Variants in DYNC1H1 observed in about 807,000 individuals in gnomAD.
The protein encoded by DYNC1H1 is dynein cytoplasmic 1 heavy chain 1, also known as cytoplasmic dynein 1 heavy chain 1.
In DYNC1H1, 51 loss-of-function variants were observed where a neutral mutation model predicts 527.1. The ratio of observed to expected loss-of-function variants is 0.10; its 90% CI spans 0.08 to 0.12. The LOEUF (loss-of-function observed/expected upper bound fraction) is 0.12. Among genes scored for constraint, DYNC1H1 ranks in the 10% least tolerant of loss-of-function variants. The pLI, the probability that DYNC1H1 is intolerant of heterozygous loss-of-function variation, is 1.00. For synonymous variants in DYNC1H1, 2,189 were observed against 2,278.8 expected, an observed-to-expected ratio of 0.96 and a Z score of 1.12; for missense variants, 2,771 against 5,971.8, an observed-to-expected ratio of 0.46 and a Z score of 17.66.
chr14:102,049,755 G>A lies in DYNC1H1; in HGVS notation c.13557G>A (p.Ala4519=), dbSNP rs35546990. Residue 4519 remains alanine, a synonymous_variant, in exon 76 of 78, where the codon GCG becomes GCA. Transcript: ENST00000360184. The surrounding 1 kb of genome is among the most constrained non-coding windows in gnomAD (Gnocchi z 5.5). The stretch of plus-strand genomic sequence containing the variant: ...TGGGTGGCCTGTTCGTGCCTGAGGC[G>A]TACATCACTGCCACCAGGCAGTATG... The part of the protein sequence containing the change: ...VCLGGLFVPE[A]YITATRQYVA... 157 of 1,613,858 alleles carry A rather than the reference G, an allele frequency of 9.7e-5. No homozygotes were observed. The African/African-American group carries it at 1.2e-3, about 12-fold the overall frequency.
rs34928054 is a variant in DYNC1H1 at position 102,053,276 on chromosome 14, GACT to G, written c.*2716_*2718del. ...CTGCCTCAGCCTCCTGAGTAGCTGG[GACT>G]ACAGGCGCCCGCTAATTTTTGTATT... is the stretch of plus-strand genomic sequence containing the variant. On this transcript the variant is annotated 3_prime_UTR_variant, in exon 78 of 78. Coordinates refer to ENST00000360184, the MANE Select transcript of DYNC1H1 (RefSeq NM_001376.5). The G allele has an allele frequency of 0.061, 9,300 of 151,402 alleles. 322 individuals carry two copies. Among genetic ancestry groups the G allele is most frequent in the South Asian group, 0.12 (580 of 4,784 alleles). The allele number at this position is 151,402 out of a possible 1,614,324, so 9.4% of individuals were successfully genotyped here.
Position 102,011,986 on chromosome 14 carries a change from C to T in DYNC1H1, c.6730C>T (p.Leu2244Phe), listed in dbSNP as rs1407435640. The T allele has an allele frequency of 1.2e-6, 2 of 1,614,054 alleles. No homozygotes were observed. Among genetic ancestry groups the T allele is most frequent in the Non-Finnish European group, 1.7e-6 (2 of 1,180,016 alleles). Residue 2244 changes from leucine to phenylalanine, a missense_variant, in exon 33 of 78, where the codon CTC becomes TTC. Coordinates refer to ENST00000360184, the MANE Select transcript of DYNC1H1 (RefSeq NM_001376.5). The surrounding 1 kb of genome is among the most constrained non-coding windows in gnomAD (Gnocchi z 5.3). The part of the protein sequence containing the change: ...WRVLLKALER[L>F]EGVEGVAHII... ...TGTCCTGCTGAAGGCATTGGAGAGA[C>T]TCGAGGGTGTGGAAGGTGTGGCCCA...
intron 23 of DYNC1H1, among the ~76,000 whole-genome samples, chr14:102,003,331 G>C (rs140908682): frequency 2.0e-5 from 3 of 150,048 alleles, no homozygotes; most frequent in African/African-American, 7.4e-5. Flanking sequence ...GTGCCATCTC[G>C]GCTCACTGCA....
Position 102,041,193 on chromosome 14 carries a change from C to T in DYNC1H1, c.11942-381C>T, listed in dbSNP as rs563026455. The T allele has an allele frequency of 1.1e-4, 41 of 358,656 alleles. No homozygotes were observed. The highest frequency in any genetic ancestry group is 5.0e-4 in the African/African-American group (24 of 47,678). The allele number at this position is 358,656 out of a possible 1,614,324, so 22.2% of individuals were successfully genotyped here. On this transcript the variant is annotated intron_variant, in intron 64 of 77. Transcript: ENST00000360184. The surrounding 1 kb of genome is among the most constrained non-coding windows in gnomAD (Gnocchi z 4.5). ...CAGACAGGAATGGAATGCCATCAGC[C>T]GTTTTTGAGTGTGTTAGGCCAGACC... is the stretch of plus-strand genomic sequence containing the variant.
In DYNC1H1 at chr14:102,002,640, G is replaced by C; in HGVS notation, c.4646G>C (p.Gly1549Ala). The C allele has an allele frequency of 6.2e-7, 1 of 1,614,188 alleles. No homozygotes were observed. The highest frequency in any genetic ancestry group is 8.5e-7 in the Non-Finnish European group (1 of 1,180,038). The change falls in exon 22 of 78, where the codon GGT (glycine) becomes GCT (alanine). Residue 1549 changes from glycine (G) to alanine (A), a missense_variant. Physicochemically the swap from Gly to Ala is moderately conservative, Grantham distance 60. Around this residue, in one of 32 missense-constraint regions of DYNC1H1, gnomAD observed 51 missense variants for 189.2 expected, o/e 0.27. Transcript: ENST00000360184. This position sits in a 1 kb window ranked among gnomAD's most constrained non-coding sequence, Gnocchi z 4.4. Reference protein sequence around the residue: ...DVQRRWVYLEGIFTGSADIKH... With the variant: ...DVQRRWVYLEAIFTGSADIKH... ...CAGAGGCGGTGGGTCTACCTGGAAG[G>C]TATCTTCACAGGCAGTGCAGATATC...
rs2048110359 is a variant in DYNC1H1, at chr14:101,999,898, C to A, written c.3805-91C>A. Reference sequence around the variant, plus strand: ...GCAAAGAATCCGAAACGTCCAGAAGCCCTGCAGGCTCTGTGCACCATTTTA... The same window carrying A: ...GCAAAGAATCCGAAACGTCCAGAAGACCTGCAGGCTCTGTGCACCATTTTA... On this transcript the variant is annotated intron_variant, in intron 16 of 77. Coordinates refer to ENST00000360184, the MANE Select transcript of DYNC1H1 (RefSeq NM_001376.5). 4 of 1,581,426 alleles carry A rather than the reference C, an allele frequency of 2.5e-6. No individual in the cohort carries two copies. In the East Asian group the frequency reaches 9.0e-5, roughly 35 times the overall value.
chr14:102,016,532 TTGA>T lies in DYNC1H1; in HGVS notation c.7614+45_7614+47del, dbSNP rs1427191470. 4.2e-5 allele frequency: 67 copies of T among 1,614,038 alleles called. No individual in the cohort carries two copies. Among genetic ancestry groups the T allele is most frequent in the Non-Finnish European group, 5.3e-5 (62 of 1,180,046 alleles). The stretch of plus-strand genomic sequence containing the variant: ...ACCCGTGTTTCTGATTCTCGCCTTG[TTGA>T]TTTAACTCATCCTGGAACAAGCTGA... On this transcript the variant is annotated intron_variant, in intron 37 of 77. Transcript: ENST00000360184. This position sits in a 1 kb window ranked among gnomAD's most constrained non-coding sequence, Gnocchi z 7.3.
rs778972833 is a variant in DYNC1H1, at chr14:102,012,016, A to G, written c.6760A>G (p.Ile2254Val). The G allele has an allele frequency of 1.2e-6, 2 of 1,614,008 alleles. No individual in the cohort carries two copies. The highest frequency in any genetic ancestry group is 1.3e-5 in the African/African-American group (1 of 74,902). The change falls in exon 33 of 78, where the codon ATC becomes GTC. Residue 2254 changes from isoleucine (I) to valine (V), a missense_variant. Physicochemically the swap from Ile to Val is conservative, Grantham distance 29. Coordinates refer to ENST00000360184, the MANE Select transcript of DYNC1H1 (RefSeq NM_001376.5). This position sits in a 1 kb window ranked among gnomAD's most constrained non-coding sequence, Gnocchi z 4.9. ...GGGTGTGGAAGGTGTGGCCCATATC[A>G]TCGACCCCAAGGCCATCAGCAAAGA... is the stretch of plus-strand genomic sequence containing the variant. ...LEGVEGVAHIIDPKAISKDHL... is the reference protein window; with the variant it reads ...LEGVEGVAHIVDPKAISKDHL...
At chr14:101,995,426 A>G in intron 15 of DYNC1H1, 126 bp downstream of exon 15, 1 of 1,196,944 alleles carries the variant, frequency 8.4e-7, no homozygotes, top group Non-Finnish European at 1.2e-6. Flanking sequence ...CCTGGCTAAC[A>G]CGGTGAAATG....
At chr14:101,976,975 C>T (rs945389672) in intron 2 of DYNC1H1, among the ~76,000 whole-genome samples, 2 of 152,132 alleles carry the variant, frequency 1.3e-5, no homozygotes, top group Admixed American at 1.3e-4. Context: ...AGGTTATATG[C>T]AAATACTGTG....
Position 102,049,107 on chromosome 14 carries a change from C to T in DYNC1H1, c.13373-333C>T. 1 of 443,894 alleles carries T rather than the reference C, an allele frequency of 2.3e-6. No homozygotes were observed. Among genetic ancestry groups the T allele is most frequent in the Non-Finnish European group, 4.2e-6 (1 of 238,526 alleles). The allele number at this position is 443,894 out of a possible 1,614,324, so 27.5% of individuals were successfully genotyped here. ...CATCCTCCTGTTTGCCCCAAAAGCC[C>T]TAATTGCCAGGAACACTGAGCCACT... On this transcript the variant is annotated intron_variant, in intron 74 of 77. Coordinates refer to ENST00000360184, the MANE Select transcript of DYNC1H1 (RefSeq NM_001376.5). The surrounding 1 kb of genome is among the most constrained non-coding windows in gnomAD (Gnocchi z 5.5).
chr14:101,974,289 G>A (rs1023177237), intron 1 of DYNC1H1, among the ~76,000 whole-genome samples: 15 of 152,158 alleles, frequency 9.9e-5, no homozygotes, highest in African/African-American at 3.6e-4. Context: ...AGCAGAGACG[G>A]GGTTTCTCCT....
intron 5 of DYNC1H1, among the ~76,000 whole-genome samples, chr14:101,982,078 C>T (rs1053372925): frequency 6.6e-6 from 1 of 152,166 alleles, no homozygotes; most frequent in Non-Finnish European, 1.5e-5. Flanking sequence ...TGAGCTCTGC[C>T]CCCGTCACAT....
intron 11 of DYNC1H1, among the ~76,000 whole-genome samples, chr14:101,993,947 A>C (rs2141280259): frequency 6.6e-6 from 1 of 152,282 alleles, no homozygotes; most frequent in Middle Eastern, 3.4e-3. Flanking sequence ...TGCACTTTTC[A>C]GCTGTTTTTG....
In DYNC1H1 at chr14:102,011,511, T is replaced by C; in HGVS notation, c.6619-364T>C. The C allele has an allele frequency of 2.8e-6, 1 of 356,644 alleles. No individual in the cohort carries two copies. Among genetic ancestry groups the C allele is most frequent in the Non-Finnish European group, 5.5e-6 (1 of 183,382 alleles). The allele number at this position is 356,644 out of a possible 1,614,324, so 22.1% of individuals were successfully genotyped here. Reference sequence around the variant, plus strand: ...CCTGTCCCACTGGCTCCAGCCTTCCTGACTTACTAAAGAACTCGCCACAGT... The same window carrying C: ...CCTGTCCCACTGGCTCCAGCCTTCCCGACTTACTAAAGAACTCGCCACAGT... On this transcript the variant is annotated intron_variant, in intron 32 of 77. Coordinates refer to ENST00000360184, the MANE Select transcript of DYNC1H1 (RefSeq NM_001376.5). The surrounding 1 kb of genome is among the most constrained non-coding windows in gnomAD (Gnocchi z 5.3).
chr14:101,988,476 G>T (rs2047960379), intron 9 of DYNC1H1, among the ~76,000 whole-genome samples: 1 of 152,204 alleles, frequency 6.6e-6, no homozygotes, highest in Non-Finnish European at 1.5e-5. Context: ...GAGGTTACAG[G>T]TTGTGAAGGA....
In DYNC1H1 at chr14:102,025,628, G is replaced by C. The variant is rs550091192; in HGVS notation, c.8638-946G>C. On this transcript the variant is annotated intron_variant, in intron 43 of 77. Transcript: ENST00000360184. ...CTTAATCACATTTCTAATTGAGTTT[G>C]TGTATTGAGTGAGCAGTGGGTCCGT... 2.4e-4 allele frequency among the ~76,000 whole-genome samples: 36 copies of C among 151,056 alleles called. 1 individual carries two copies. The highest frequency in any genetic ancestry group is 2.1e-4 in the South Asian group (1 of 4,784).
At chr14:102,025,074 G>A (rs1318229282) in intron 43 of DYNC1H1, among the ~76,000 whole-genome samples, 1 of 151,740 alleles carries the variant, frequency 6.6e-6, no homozygotes, top group Middle Eastern at 3.2e-3. Flanking sequence ...AGTGGCTCAC[G>A]CCTGTAATCC....
rs1158295938 is a variant in DYNC1H1, at chr14:102,049,744, G to A, written c.13546G>A (p.Val4516Met). Residue 4516 changes from valine (V) to methionine (M), a missense_variant, in exon 76 of 78, where the codon GTG becomes ATG. Coordinates refer to ENST00000360184, the MANE Select transcript of DYNC1H1 (RefSeq NM_001376.5). The surrounding 1 kb of genome is among the most constrained non-coding windows in gnomAD (Gnocchi z 5.5). ...CCACGTGTGCCTGGGTGGCCTGTTC[G>A]TGCCTGAGGCGTACATCACTGCCAC... is the stretch of plus-strand genomic sequence containing the variant. ...NIHVCLGGLF[V>M]PEAYITATRQ... 1.9e-6 allele frequency: 3 copies of A among 1,613,754 alleles called. No homozygotes were observed. Among genetic ancestry groups the A allele is most frequent in the Admixed American group, 1.7e-5 (1 of 60,002 alleles).
Sources: allele counts gnomAD v4.1 joint callset (sites outside exome capture counted in the v4.1 genomes callset), GRCh38; gene constraint gnomAD v4.1.1; regional missense constraint gnomAD v4.1.1; non-coding constraint Gnocchi (gnomAD v3.1); transcripts MANE v1.5; gene names NCBI Gene and HGNC (gene_info 2026-07-23, HGNC 2026-07-21).